YWHAE: variants seen among roughly 807,000 people sequenced by gnomAD.
YWHAE encodes the protein 14-3-3 protein epsilon.
A neutral mutation model predicts 30.1 loss-of-function variants in YWHAE; 4 were observed. The ratio of observed to expected loss-of-function variants is 0.13; its 90% CI spans 0.07 to 0.30. The LOEUF (loss-of-function observed/expected upper bound fraction) is 0.30. Ranked by LOEUF, YWHAE falls within the 10% of genes least tolerant of loss-of-function variation. The pLI, the probability that YWHAE is intolerant of heterozygous loss-of-function variation, is 1.00. For synonymous variants in YWHAE, 118 were observed against 111.8 expected (o/e 1.06, Z -0.35); for missense variants, 121 against 315.9 (o/e 0.38, Z 4.68).
intron 1 of YWHAE, among the ~76,000 whole-genome samples, chr17:1,373,780 G>A (rs2073081839): frequency 6.6e-6 from 1 of 152,160 alleles, no homozygotes; most frequent in African/African-American, 2.4e-5. Context: ...CTCAAAGCGG[G>A]TTCCAGAAAC....
chr17:1,349,954 C>T (rs2072595307), intron 5 of YWHAE, among the ~76,000 whole-genome samples: 1 of 82,172 alleles, frequency 1.2e-5, no homozygotes, highest in African/African-American at 7.9e-5. Flanking sequence ...AAGTATTACC[C>T]TGTATTTTTT....
chr17:1,377,538 C>T (rs79556075), intron 1 of YWHAE, among the ~76,000 whole-genome samples: 3,276 of 152,222 alleles, frequency 0.022, 68 homozygotes, highest in Non-Finnish European at 0.028. Flanking sequence ...CGCTTGAGCC[C>T]AGGAGTCCGA....
At chr17:1,371,077 A>G (rs907123215) in intron 1 of YWHAE, among the ~76,000 whole-genome samples, 1 of 151,706 alleles carries the variant, frequency 6.6e-6, no homozygotes, top group Non-Finnish European at 1.5e-5. Context: ...ACTGTGTGTG[A>G]GTGTGTGGTA....
At chr17:1,362,223 T>TAC (rs374944076) in intron 2 of YWHAE, among the ~76,000 whole-genome samples, 25 of 152,054 alleles carry the variant, frequency 1.6e-4, no homozygotes, top group African/African-American at 5.8e-4. Flanking sequence ...TGCCTATTGT[T>TAC]ACACACACAC....
intron 1 of YWHAE, among the ~76,000 whole-genome samples, chr17:1,393,827 A>G (rs2073424312): frequency 6.6e-6 from 1 of 152,146 alleles, no homozygotes; most frequent in South Asian, 2.1e-4. Context: ...GTATGCGAAT[A>G]AACATTCTGA....
intron 1 of YWHAE, among the ~76,000 whole-genome samples, chr17:1,374,272 C>T (rs2073091596): frequency 2.0e-5 from 3 of 151,042 alleles, no homozygotes; most frequent in South Asian, 4.2e-4. Context: ...GACCCGAGAT[C>T]GTGCCACTGA....
chr17:1,385,775 A>G (rs2073291002), intron 1 of YWHAE, among the ~76,000 whole-genome samples: 1 of 152,158 alleles, frequency 6.6e-6, no homozygotes, highest in South Asian at 2.1e-4. Context: ...TTCTTCATAC[A>G]TTAAAGACAA....
At position 1,389,611 on chromosome 17, in the gene YWHAE, A is replaced by T. The variant is rs556745253; in HGVS notation, c.64+10436T>A. 5.4e-4 allele frequency among the ~76,000 whole-genome samples: 82 copies of T among 151,344 alleles called. 1 individual carries two copies. Among genetic ancestry groups the T allele is most frequent in the African/African-American group, 1.9e-3 (80 of 41,136 alleles). On this transcript the variant is annotated intron_variant, in intron 1 of 5. Coordinates refer to ENST00000264335, the MANE Select transcript of YWHAE (RefSeq NM_006761.5). ...AGTGGCGCGATCCTGGCTCACTGCA[A>T]GCTCCGCCTCCCGGGTTCATGCCAT...
At chr17:1,355,834 T>C (rs2072731571) in intron 4 of YWHAE, among the ~76,000 whole-genome samples, 1 of 150,718 alleles carries the variant, frequency 6.6e-6, no homozygotes, top group South Asian at 2.1e-4. Context: ...AGGCCAGGAG[T>C]TCAAGACCAG....
rs996717063 is a variant in YWHAE at position 1,377,866 on chromosome 17, T to C, written c.65-12808A>G. On this transcript the variant is annotated intron_variant, in intron 1 of 5. Transcript: ENST00000264335. ...GAGTTCGAGACCAGCCTGGCCAACA[T>C]GGTGAAACCCCGTCTCTACTAAAAA... Among the ~76,000 whole-genome samples, 11 of 151,994 alleles carry C rather than the reference T, an allele frequency of 7.2e-5. No individual in the cohort carries two copies. In the South Asian group the frequency reaches 1.4e-3, roughly 20 times the overall value.
At chr17:1,345,836 C>T (rs2072508433) in intron 5 of YWHAE, among the ~76,000 whole-genome samples, 2 of 152,174 alleles carry the variant, frequency 1.3e-5, no homozygotes, top group South Asian at 2.1e-4. Context: ...GGTCAAAATA[C>T]TCTTTCTCAA....
At chr17:1,382,709 T>A (rs1253996062) in intron 1 of YWHAE, among the ~76,000 whole-genome samples, 4 of 152,040 alleles carry the variant, frequency 2.6e-5, no homozygotes, top group African/African-American at 4.8e-5. Context: ...ACTTTACATT[T>A]AAATTCATCT....
chr17:1,386,736 G>A (rs1010515806), intron 1 of YWHAE, among the ~76,000 whole-genome samples: 1 of 152,150 alleles, frequency 6.6e-6, no homozygotes, highest in African/African-American at 2.4e-5. Flanking sequence ...GATCACCTGA[G>A]GCCAGAAGTT....
intron 1 of YWHAE, among the ~76,000 whole-genome samples, chr17:1,384,570 G>C: frequency 6.6e-6 from 1 of 152,072 alleles, no homozygotes; most frequent in Non-Finnish European, 1.5e-5. Context: ...GCAGGCACCT[G>C]TACTCCCAGC....
At chr17:1,364,690 G>GT in intron 2 of YWHAE, 169 bp downstream of exon 2, 1 of 842,942 alleles carries the variant, frequency 1.2e-6, no homozygotes, top group Non-Finnish European at 1.8e-6. Context: ...ATAGCCACGG[G>GT]TAAGTTTAAC....
At position 1,383,339 on chromosome 17, in the gene YWHAE, A is replaced by C. The variant is rs553122872; in HGVS notation, c.64+16708T>G. On this transcript the variant is annotated intron_variant, in intron 1 of 5. Transcript: ENST00000264335. The stretch of plus-strand genomic sequence containing the variant: ...CACTCCAGCCTGGGCAACAAGAGCG[A>C]AACTCCGTTTAAAAAAAGAAATGGA... Among the ~76,000 whole-genome samples, 4 of 152,062 alleles carry C rather than the reference A, an allele frequency of 2.6e-5. No individual in the cohort carries two copies. The East Asian group carries it at 7.8e-4, about 30-fold the overall frequency.
chr17:1,362,732 G>GC lies in YWHAE; in HGVS notation c.265-725dup, dbSNP rs527514690. ...AACCTTTCATGAGGGTCCTCTCCGTGCCCCTGGAACCTCCGTTTCACTGCA... is the reference window on the plus strand; with the variant it reads ...AACCTTTCATGAGGGTCCTCTCCGTGCCCCCTGGAACCTCCGTTTCACTGCA... On this transcript the variant is annotated intron_variant, in intron 2 of 5. Coordinates refer to ENST00000264335, the MANE Select transcript of YWHAE (RefSeq NM_006761.5). Among the ~76,000 whole-genome samples, 20 of 152,022 alleles carry GC rather than the reference G, an allele frequency of 1.3e-4. No individual in the cohort carries two copies. The South Asian group carries it at 4.0e-3, about 30-fold the overall frequency.
intron 1 of YWHAE, among the ~76,000 whole-genome samples, chr17:1,376,182 T>C (rs892970823): frequency 6.6e-6 from 1 of 152,182 alleles, no homozygotes; most frequent in Non-Finnish European, 1.5e-5. Context: ...TTTGAATGCA[T>C]CTGTACGAGG....
rs182658735 is a variant in YWHAE at position 1,374,249 on chromosome 17, C to G, written c.65-9191G>C. ...AGGACAACTGCTTGAACACGGGAGG[C>G]GGAGGTTGCAGTGACCCGAGATCGT... is the stretch of plus-strand genomic sequence containing the variant. On this transcript the variant is annotated intron_variant, in intron 1 of 5. Coordinates refer to ENST00000264335, the MANE Select transcript of YWHAE (RefSeq NM_006761.5). Among the ~76,000 whole-genome samples, 74 of 150,894 alleles carry G rather than the reference C, an allele frequency of 4.9e-4. 2 individuals carry two copies. The East Asian group carries it at 0.013, about 26-fold the overall frequency.
Sources: allele counts gnomAD v4.1 joint callset (sites outside exome capture counted in the v4.1 genomes callset), GRCh38; gene constraint gnomAD v4.1.1; transcripts MANE v1.5; gene names NCBI Gene and HGNC (gene_info 2026-07-23, HGNC 2026-07-21).